Variants in PDE1C observed in about 807,000 individuals in gnomAD.
PDE1C encodes dual specificity calcium/calmodulin-dependent 3',5'-cyclic nucleotide phosphodiesterase 1C.
In PDE1C, 62 loss-of-function variants were observed where a neutral mutation model predicts 93.1. That is an observed-to-expected ratio of 0.67 (90% CI 0.54 to 0.82). The LOEUF is 0.82. Ranked by LOEUF, PDE1C falls within the 40% of genes least tolerant of loss-of-function variation. The pLI is 0.00. For synonymous variants in PDE1C, 325 were observed against 310.1 expected (o/e 1.05, Z -0.50); for missense variants, 742 against 884.6 (o/e 0.84, Z 2.04).
At chr7:32,242,382 T>C (rs976947140) in intron 1 of PDE1C, among the ~76,000 whole-genome samples, 1 of 152,120 alleles carries the variant, frequency 6.6e-6, no homozygotes, top group Non-Finnish European at 1.5e-5. Flanking sequence ...GTCAATGAGA[T>C]GTTGCTAATG....
At chr7:31,757,718 C>T (rs932330320) in intron 17 of PDE1C, among the ~76,000 whole-genome samples, 1 of 152,180 alleles carries the variant, frequency 6.6e-6, no homozygotes, top group Non-Finnish European at 1.5e-5. Context: ...ACTAGTTCAA[C>T]CATTGTGGAA....
intron 2 of PDE1C, among the ~76,000 whole-genome samples, chr7:31,972,261 G>A (rs764384611): frequency 1.1e-4 from 16 of 152,116 alleles, no homozygotes; most frequent in Admixed American, 9.2e-4. Context: ...AAATACATTT[G>A]GTGATTTATT....
At chr7:31,726,496 T>A in the PDE1C span, among the ~76,000 whole-genome samples, 1 of 152,176 alleles carries the variant, frequency 6.6e-6, no homozygotes, top group Non-Finnish European at 1.5e-5. Context: ...GGCATTCTCC[T>A]GCTGAACAGG....
chr7:32,146,908 T>C (rs758178413), intron 3 of PDE1C, among the ~76,000 whole-genome samples: 1 of 152,162 alleles, frequency 6.6e-6, no homozygotes, highest in Non-Finnish European at 1.5e-5. Flanking sequence ...ATATTGTTTA[T>C]AAGAGTATAA....
At chr7:31,653,201 AG>A in the PDE1C span, 1 of 191,904 alleles carries the variant, frequency 5.2e-6, no homozygotes, top group African/African-American at 2.3e-5. Flanking sequence ...CCCAGAAGAC[AG>A]GTCTGTGCCT....
At position 32,399,395 on chromosome 7, in the gene PDE1C, A is replaced by G. The variant is rs536382088; in HGVS notation, c.310+28427T>C. Among the ~76,000 whole-genome samples the G allele has an allele frequency of 2.6e-5, 4 of 152,190 alleles. No individual in the cohort carries two copies. The East Asian group carries it at 7.7e-4, about 29-fold the overall frequency. The stretch of plus-strand genomic sequence containing the variant: ...TTAAGCAACAGAAATTTATTTTCTC[A>G]TGGTTCTGGAGGCTGGAAGTCCATC... On this transcript the variant is annotated intron_variant, in intron 1 of 1. Transcript: ENST00000672256.
intron 7 of PDE1C, among the ~76,000 whole-genome samples, chr7:31,855,409 T>C (rs1793888043): frequency 1.3e-5 from 2 of 152,070 alleles, no homozygotes; most frequent in South Asian, 4.1e-4. Flanking sequence ...ACCTGGAAAA[T>C]CCAGGCTAAT....
chr7:32,418,036 G>A (rs937028075), intron 1 of PDE1C, among the ~76,000 whole-genome samples: 1 of 152,044 alleles, frequency 6.6e-6, no homozygotes, highest in Admixed American at 6.6e-5. Flanking sequence ...TGTGACCTAG[G>A]CTAAAATGCA....
chr7:32,060,500 T>A (rs1794683295), intron 1 of PDE1C, among the ~76,000 whole-genome samples: 1 of 152,034 alleles, frequency 6.6e-6, no homozygotes, highest in African/African-American at 2.4e-5. Context: ...GCTCTATAAA[T>A]CTCAACAATT....
intron 1 of PDE1C, among the ~76,000 whole-genome samples, chr7:32,387,642 C>A (rs1390004654): frequency 1.3e-5 from 2 of 149,126 alleles, no homozygotes; most frequent in South Asian, 2.1e-4. Context: ...GATCCCCCCA[C>A]CTCCCTCCCG....
intron 17 of PDE1C, among the ~76,000 whole-genome samples, chr7:31,765,613 C>T (rs1795093126): frequency 6.6e-6 from 1 of 152,134 alleles, no homozygotes; most frequent in South Asian, 2.1e-4. Flanking sequence ...TGATAGAGCT[C>T]CTGCATAACA....
At chr7:31,728,100 T>G in the PDE1C span, among the ~76,000 whole-genome samples, 2 of 152,130 alleles carry the variant, frequency 1.3e-5, no homozygotes, top group African/African-American at 4.8e-5. Context: ...TTATAGTCAC[T>G]GAGATTATAG....
intron 1 of PDE1C, among the ~76,000 whole-genome samples, chr7:32,307,130 T>A (rs1813025026): frequency 6.6e-6 from 1 of 152,198 alleles, no homozygotes; most frequent in African/African-American, 2.4e-5. Flanking sequence ...ATAGTTTGCA[T>A]CTGTAACAAA....
At chr7:31,766,056 T>G (rs1237543948) in intron 17 of PDE1C, among the ~76,000 whole-genome samples, 1 of 152,190 alleles carries the variant, frequency 6.6e-6, no homozygotes, top group East Asian at 1.9e-4. Context: ...CCTAATGTTG[T>G]CCTGATATTT....
chr7:31,984,931 G>A (rs140320207), intron 2 of PDE1C, among the ~76,000 whole-genome samples: 231 of 152,268 alleles, frequency 1.5e-3, no homozygotes, highest in Middle Eastern at 3.4e-3. Flanking sequence ...AGAAAACATC[G>A]TCCTTCAGAG....
At chr7:31,932,312 T>C (rs926892176) in intron 2 of PDE1C, among the ~76,000 whole-genome samples, 5 of 133,034 alleles carry the variant, frequency 3.8e-5, no homozygotes, top group African/African-American at 1.7e-4. Flanking sequence ...TTTTGCAATC[T>C]ATCCATCTGA....
intron 2 of PDE1C, among the ~76,000 whole-genome samples, chr7:32,006,586 A>G (rs2128574119): frequency 1.3e-5 from 2 of 152,314 alleles, no homozygotes; most frequent in Admixed American, 1.3e-4. Context: ...CTAGCAGTAC[A>G]AGATGCAGTG....
intron 16 of PDE1C, among the ~76,000 whole-genome samples, chr7:31,798,005 T>C (rs781745667): frequency 2.0e-5 from 3 of 151,652 alleles, no homozygotes; most frequent in Non-Finnish European, 3.0e-5. Flanking sequence ...GTCCCAATGA[T>C]AGAAACAGAT....
chr7:31,830,641 T>G (rs553146801), intron 11 of PDE1C, among the ~76,000 whole-genome samples: 30 of 152,212 alleles, frequency 2.0e-4, no homozygotes, highest in African/African-American at 7.0e-4. Flanking sequence ...TCCCTATTCT[T>G]CTCCTCCTCC....
Sources: allele counts gnomAD v4.1 joint callset (sites outside exome capture counted in the v4.1 genomes callset), GRCh38; gene constraint gnomAD v4.1.1; transcripts MANE v1.5; gene names NCBI Gene and HGNC (gene_info 2026-07-23, HGNC 2026-07-21).